The following PRDM10 variants were observed in gnomAD, a reference collection of about 807,000 sequenced individuals.
The protein encoded by PRDM10 is PR domain zinc finger protein 10.
Under a neutral mutation model 133.1 loss-of-function variants are expected in PRDM10, and 65 were observed. That is an observed-to-expected ratio of 0.49 (90% confidence interval 0.40 to 0.60). The LOEUF (loss-of-function observed/expected upper bound fraction) is 0.60. Among genes scored for constraint, PRDM10 ranks in the 20% least tolerant of loss-of-function variants. PRDM10 has a pLI of 0.00. For missense variants in PRDM10, 1,137 were observed against 1,507.1 expected (o/e 0.75, Z 4.07); for synonymous variants, 582 against 580.4 (o/e 1.00, Z -0.04).
chr11:129,952,038 C>G (rs1951594679), intron 4 of PRDM10, among the ~76,000 whole-genome samples: 1 of 151,964 alleles, frequency 6.6e-6, no homozygotes, highest in South Asian at 2.1e-4. Flanking sequence ...GTGTTATAAC[C>G]AGAAATAAAA....
At position 129,942,553 on chromosome 11, in the gene PRDM10, A is replaced by C; in HGVS notation, c.839T>G (p.Leu280Arg). ...DLWFELSDET[L>R]CNWMMFVRPA... ...CCGTACAAACATCATCCAGTTACAA[A>C]GCGTCTCATCAGACAACTCAAACCA... The change falls in exon 7 of 21, where the codon CTT (leucine) becomes CGT (arginine). Residue 280 changes from leucine (L) to arginine (R), a missense_variant. Physicochemically the swap from Leu to Arg is moderately radical, Grantham distance 102. Around this residue, in one of 6 missense-constraint regions of PRDM10, gnomAD observed 635 missense variants for 835.2 expected, o/e 0.76. Coordinates refer to ENST00000360871, the MANE Select transcript of PRDM10 (RefSeq NM_199437.2). The C allele has an allele frequency of 6.2e-7, 1 of 1,613,990 alleles. No homozygotes were observed. The highest frequency in any genetic ancestry group is 8.5e-7 in the Non-Finnish European group (1 of 1,179,980).
intron 6 of PRDM10, among the ~76,000 whole-genome samples, chr11:129,943,071 C>T (rs1773931803): frequency 6.6e-6 from 1 of 152,148 alleles, no homozygotes; most frequent in Non-Finnish European, 1.5e-5. Context: ...CAAAGAAAAT[C>T]TCCCCATGAC....
At position 129,998,290 on chromosome 11, in the gene PRDM10, T is replaced by C. The variant is rs536227721; in HGVS notation, c.-119+4432A>G. ...TGGCTACTAGACAGGACAGCACAGGTCTAAGGGATCTGATTTCTAGAAATC... is the reference window on the plus strand; with the variant it reads ...TGGCTACTAGACAGGACAGCACAGGCCTAAGGGATCTGATTTCTAGAAATC... On this transcript the variant is annotated intron_variant, in intron 1 of 20. Transcript: ENST00000360871. Among the ~76,000 whole-genome samples the C allele has an allele frequency of 3.3e-5, 5 of 151,914 alleles. No homozygotes were observed. The South Asian group carries it at 6.3e-4, about 19-fold the overall frequency.
rs542359350 is a variant in PRDM10 at position 129,928,143 on chromosome 11, T to C, written c.1530+2873A>G. On this transcript the variant is annotated intron_variant, in intron 11 of 20. Coordinates refer to ENST00000360871, the MANE Select transcript of PRDM10 (RefSeq NM_199437.2). The stretch of plus-strand genomic sequence containing the variant: ...TTTTTAGAGATGGGGTCTTTCTCCA[T>C]CGCCCAGGCTGGAGTGTTATGGCAT... 7.2e-5 allele frequency among the ~76,000 whole-genome samples: 11 copies of C among 152,256 alleles called. No homozygotes were observed. In the East Asian group the frequency reaches 2.1e-3, roughly 29 times the overall value.
At chr11:129,997,349 A>G (rs115981468) in intron 1 of PRDM10, among the ~76,000 whole-genome samples, 3,528 of 152,246 alleles carry the variant, frequency 0.023, 81 homozygotes, top group African/African-American at 0.064. Context: ...GCATGGTGGT[A>G]CACACCTGTA....
chr11:129,915,582 G>T (rs781248580), intron 16 of PRDM10, 78 bp downstream of exon 16: 54 of 1,453,606 alleles, frequency 3.7e-5, no homozygotes, highest in Non-Finnish European at 4.4e-5. Context: ...CAGGCCATGT[G>T]GATGAGAAGC....
chr11:129,915,072 T>G lies in PRDM10; in HGVS notation c.2527-54A>C. ...AATTATTAGAATTTGTGATTTTCCG[T>G]TTTTCTCATATGTAAATCCTCCAAA... On this transcript the variant is annotated intron_variant, in intron 16 of 20. Coordinates refer to ENST00000360871, the MANE Select transcript of PRDM10 (RefSeq NM_199437.2). 4 of 1,513,026 alleles carry G rather than the reference T, an allele frequency of 2.6e-6. No homozygotes were observed. In the South Asian group the frequency reaches 5.3e-5, roughly 20 times the overall value. The allele number at this position is 1,513,026 out of a possible 1,614,324, so 93.7% of individuals were successfully genotyped here. A position where few individuals can be genotyped will look rare whatever the true frequency, so the allele number is the denominator to read the frequency against.
intron 3 of PRDM10, 24 bp from the exon 4 acceptor site, chr11:129,955,595 A>G (rs766469543): frequency 1.2e-6 from 2 of 1,611,088 alleles, no homozygotes; most frequent in Admixed American, 1.7e-5. Flanking sequence ...CGAACAAAAA[A>G]TTATCAGTAG....
At chr11:129,919,001 A>C (rs1319589083) in intron 13 of PRDM10, among the ~76,000 whole-genome samples, 3 of 152,238 alleles carry the variant, frequency 2.0e-5, no homozygotes, top group Non-Finnish European at 2.9e-5. Flanking sequence ...TATGTAGAGG[A>C]GATTAAAGAG....
intron 19 of PRDM10, among the ~76,000 whole-genome samples, chr11:129,907,737 A>G (rs1280737073): frequency 6.6e-6 from 1 of 152,028 alleles, no homozygotes; most frequent in African/African-American, 2.4e-5. Flanking sequence ...AATTTCTGAG[A>G]CAATCATAGA....
chr11:129,942,333 TAAACAAACCCAC>T, intron 7 of PRDM10, 81 bp downstream of exon 7: 2 of 1,378,170 alleles, frequency 1.5e-6, no homozygotes, highest in African/African-American at 1.4e-5. Context: ...CCTTTTTTGT[TAAACAAACCCAC>T]TTTAGGAAAA....
intron 13 of PRDM10, among the ~76,000 whole-genome samples, chr11:129,921,121 T>A (rs190702701): frequency 9.9e-5 from 15 of 152,134 alleles, no homozygotes; most frequent in African/African-American, 3.1e-4. Context: ...TCTATTCTAG[T>A]GTGAGCTCCC....
In PRDM10 at chr11:129,900,079, G is replaced by C. The variant is rs532208519; in HGVS notation, c.*2234C>G. 5.2e-5 allele frequency: 8 copies of C among 152,646 alleles called. No homozygotes were observed. The East Asian group carries it at 1.4e-3, about 26-fold the overall frequency. 9.5% of individuals were successfully genotyped at this position (152,646 alleles called of 1,614,324 possible). On this transcript the variant is annotated 3_prime_UTR_variant, in exon 21 of 21. Coordinates refer to ENST00000360871, the MANE Select transcript of PRDM10 (RefSeq NM_199437.2). ...AACCTACTCCAAAATACTCACACTGGACTGAATGAAGTCTACAGTGTCAAT... is the reference window on the plus strand; with the variant it reads ...AACCTACTCCAAAATACTCACACTGCACTGAATGAAGTCTACAGTGTCAAT...
At chr11:129,908,151 T>A (rs952115416) in intron 19 of PRDM10, among the ~76,000 whole-genome samples, 1 of 152,078 alleles carries the variant, frequency 6.6e-6, no homozygotes, top group Non-Finnish European at 1.5e-5. Context: ...GGTGTGATAA[T>A]GTTGCATGGA....
At chr11:129,971,989 G>C (rs1952039192) in intron 1 of PRDM10, among the ~76,000 whole-genome samples, 1 of 152,242 alleles carries the variant, frequency 6.6e-6, no homozygotes, top group African/African-American at 2.4e-5. Context: ...CGGGAAGGCA[G>C]CTAAGGCCCG....
chr11:129,903,274 G>C (rs1438865928), intron 20 of PRDM10, among the ~76,000 whole-genome samples: 1 of 145,820 alleles, frequency 6.9e-6, no homozygotes, highest in Non-Finnish European at 1.5e-5. Context: ...CTCAAGCCTG[G>C]GCAACAAGAG....
chr11:129,959,976 G>A (rs1190077806), intron 2 of PRDM10, among the ~76,000 whole-genome samples: 1 of 150,654 alleles, frequency 6.6e-6, no homozygotes, highest in African/African-American at 2.4e-5. Context: ...GCCCAGGCTG[G>A]TCCTAAACTC....
intron 1 of PRDM10, among the ~76,000 whole-genome samples, chr11:130,000,418 C>T (rs1939286745): frequency 6.6e-6 from 1 of 152,154 alleles, no homozygotes; most frequent in African/African-American, 2.4e-5. Flanking sequence ...CAAGCAGAAA[C>T]TTAGGTAGTG....
intron 11 of PRDM10, among the ~76,000 whole-genome samples, chr11:129,929,941 A>C (rs1242612622): frequency 1.3e-5 from 2 of 152,158 alleles, no homozygotes; most frequent in South Asian, 2.1e-4. Flanking sequence ...CTGTATGTTG[A>C]TATACTCTTG....
Sources: gnomAD v4.1 joint callset for allele counts (sites outside exome capture counted in the v4.1 genomes callset) on GRCh38, gnomAD v4.1.1 for gene constraint, gnomAD v4.1.1 regional missense constraint, MANE v1.5 for transcripts, NCBI Gene and HGNC (gene_info 2026-07-23, HGNC 2026-07-21) for gene names.